The following CCDC50 variants were observed in gnomAD, a reference collection of about 807,000 sequenced individuals.
CCDC50 encodes the protein coiled-coil domain-containing protein 50.
Under a neutral mutation model 70.2 loss-of-function variants are expected in CCDC50, and 54 were observed. The ratio of observed to expected loss-of-function variants is 0.77; its 90% CI spans 0.62 to 0.96. The LOEUF is 0.96. Among genes scored for constraint, CCDC50 ranks in the 50% least tolerant of loss-of-function variants. The pLI, the probability that CCDC50 is intolerant of heterozygous loss-of-function variation, is 0.00. For missense variants in CCDC50, 558 were observed against 578.7 expected (o/e 0.96, Z 0.37); for synonymous variants, 216 against 198.8 (o/e 1.09, Z -0.73).
At chr3:191,338,013 C>T (rs911941136) in intron 1 of CCDC50, among the ~76,000 whole-genome samples, 2 of 152,060 alleles carry the variant, frequency 1.3e-5, no homozygotes, top group Non-Finnish European at 2.9e-5. Context: ...TGACCAAATA[C>T]CAGGGGAGTC....
chr3:191,358,130 G>A lies in CCDC50; in HGVS notation c.239+6G>A. Reference sequence around the variant, plus strand: ...CAGAAGCGCTACAAAGACCTGTGAGGATTTGGGAGGTGGGAGGGGTGATGC... The same window carrying A: ...CAGAAGCGCTACAAAGACCTGTGAGAATTTGGGAGGTGGGAGGGGTGATGC... On this transcript the variant is annotated splice_donor_region_variant and intron_variant, in intron 3 of 11. Coordinates refer to ENST00000392455, the MANE Select transcript of CCDC50 (RefSeq NM_178335.3). The A allele has an allele frequency of 6.2e-7, 1 of 1,613,790 alleles. No individual in the cohort carries two copies. The highest frequency in any genetic ancestry group is 1.3e-5 in the African/African-American group (1 of 74,996).
intron 1 of CCDC50, among the ~76,000 whole-genome samples, chr3:191,348,288 CT>C (rs1711992478): frequency 7.1e-6 from 1 of 141,726 alleles, no homozygotes; most frequent in Non-Finnish European, 1.6e-5. Flanking sequence ...GACTAAGCTT[CT>C]TTCCCATTTG....
chr3:191,389,736 C>T (rs1412824516), intron 11 of CCDC50, 134 bp downstream of exon 11: 1 of 700,744 alleles, frequency 1.4e-6, no homozygotes, highest in African/African-American at 1.8e-5. Context: ...TGTTATAGAA[C>T]TCCTCATTTA....
At chr3:191,390,000 A>G (rs1713628310) in intron 11 of CCDC50, among the ~76,000 whole-genome samples, 1 of 151,166 alleles carries the variant, frequency 6.6e-6, no homozygotes, top group Non-Finnish European at 1.5e-5. Context: ...AGCTGGGATT[A>G]CAGACATGTG....
intron 4 of CCDC50, among the ~76,000 whole-genome samples, chr3:191,367,319 G>A (rs1712729328): frequency 1.3e-5 from 2 of 151,954 alleles, no homozygotes; most frequent in South Asian, 2.1e-4. Flanking sequence ...ACTAAATTCA[G>A]TAGCAAGAGG....
At chr3:191,384,348 T>G (rs534586023) in intron 10 of CCDC50, among the ~76,000 whole-genome samples, 2 of 152,296 alleles carry the variant, frequency 1.3e-5, no homozygotes, top group African/African-American at 4.8e-5. Context: ...AAGATAAAGC[T>G]TATATATCTT....
intron 3 of CCDC50, among the ~76,000 whole-genome samples, chr3:191,359,810 C>G (rs1712419993): frequency 6.6e-6 from 1 of 152,108 alleles, no homozygotes; most frequent in Non-Finnish European, 1.5e-5. Flanking sequence ...TCACAATTCT[C>G]TGTTAGAAAG....
chr3:191,384,732 G>T (rs1018254479), intron 10 of CCDC50, among the ~76,000 whole-genome samples: 1 of 151,780 alleles, frequency 6.6e-6, no homozygotes, highest in Non-Finnish European at 1.5e-5. Flanking sequence ...AGGGTATATT[G>T]TGTGGTACTG....
chr3:191,366,497 C>T (rs1408839624), intron 4 of CCDC50, among the ~76,000 whole-genome samples: 4 of 151,928 alleles, frequency 2.6e-5, no homozygotes, highest in Admixed American at 6.6e-5. Context: ...CATATTAGCC[C>T]AGAAGTCTAT....
chr3:191,337,653 A>G (rs979945730), intron 1 of CCDC50, among the ~76,000 whole-genome samples: 58 of 152,038 alleles, frequency 3.8e-4, no homozygotes, highest in African/African-American at 1.4e-3. Context: ...TCTTTTTTTA[A>G]GAAGAAAAAA....
chr3:191,339,180 G>C (rs556035986), intron 1 of CCDC50, among the ~76,000 whole-genome samples: 15 of 152,284 alleles, frequency 9.9e-5, no homozygotes, highest in African/African-American at 3.6e-4. Flanking sequence ...TTGAAAAGAG[G>C]AGAGAGCATG....
chr3:191,391,121 T>C (rs293842), intron 11 of CCDC50, among the ~76,000 whole-genome samples: 2 of 148,784 alleles, frequency 1.3e-5, no homozygotes, highest in African/African-American at 5.1e-5. Context: ...AAATATATTA[T>C]ATCTCATTAA....
At chr3:191,376,035 C>T (rs138069950) in intron 6 of CCDC50, among the ~76,000 whole-genome samples, 535 of 152,258 alleles carry the variant, frequency 3.5e-3, no homozygotes, top group Non-Finnish European at 5.8e-3. Context: ...TTTTAGACCT[C>T]ATCTTTCTCA....
intron 1 of CCDC50, among the ~76,000 whole-genome samples, chr3:191,354,318 T>G (rs1479850555): frequency 6.6e-6 from 1 of 152,152 alleles, no homozygotes; most frequent in Non-Finnish European, 1.5e-5. Context: ...GAACTACTGT[T>G]TGGAGTTAAG....
rs938751067 is a variant in CCDC50 at position 191,397,719 on chromosome 3, T to C, written c.*5959T>C. On this transcript the variant is annotated 3_prime_UTR_variant, in exon 12 of 12. Coordinates refer to ENST00000392455, the MANE Select transcript of CCDC50 (RefSeq NM_178335.3). ...ATTGCCTGGGCACTTTCAGATTCCT[T>C]AGGAAGTGCCCCTTTGATATTTGGA... 8.5e-5 allele frequency: 13 copies of C among 152,218 alleles called. No individual in the cohort carries two copies. The highest frequency in any genetic ancestry group is 2.9e-4 in the African/African-American group (12 of 41,460). 9.4% of individuals were successfully genotyped at this position (152,218 alleles called of 1,614,324 possible).
chr3:191,357,866 T>A, intron 2 of CCDC50, 132 bp from the exon 3 acceptor site: 1 of 1,098,546 alleles, frequency 9.1e-7, no homozygotes, highest in Non-Finnish European at 1.4e-6. Context: ...TATTATATAT[T>A]GTTGTTGAGA....
chr3:191,376,150 A>G (rs1179525801), intron 6 of CCDC50, among the ~76,000 whole-genome samples: 1 of 152,186 alleles, frequency 6.6e-6, no homozygotes, highest in African/African-American at 2.4e-5. Flanking sequence ...AACAATGGAA[A>G]TGTCTGGGTT....
intron 11 of CCDC50, 53 bp from the exon 12 acceptor site, chr3:191,391,688 G>C: frequency 3.3e-6 from 5 of 1,536,602 alleles, no homozygotes; most frequent in Admixed American, 1.7e-5. Context: ...AAAGCTGTTT[G>C]AGTTTCAAAG....
intron 6 of CCDC50, among the ~76,000 whole-genome samples, chr3:191,379,388 A>T (rs765976114): frequency 1.3e-5 from 2 of 152,146 alleles, no homozygotes; most frequent in East Asian, 3.8e-4. Flanking sequence ...ACTATTTCAG[A>T]TAAGTAATCT....
Sources: gnomAD v4.1 joint callset for allele counts (sites outside exome capture counted in the v4.1 genomes callset) on GRCh38, gnomAD v4.1.1 for gene constraint, MANE v1.5 for transcripts, NCBI Gene and HGNC (gene_info 2026-07-23, HGNC 2026-07-21) for gene names.